Variants in DAB1 observed in about 807,000 individuals in gnomAD.
The protein encoded by DAB1 is disabled homolog 1.
A neutral mutation model predicts 64.6 loss-of-function variants in DAB1; 15 were observed. The observed-to-expected ratio is 0.23, with a 90% CI of 0.16 to 0.36. The LOEUF (loss-of-function observed/expected upper bound fraction) is 0.36. DAB1 is among the 10% of genes least tolerant of loss of function. The pLI, the probability that DAB1 is intolerant of heterozygous loss-of-function variation, is 1.00. For synonymous variants in DAB1, 235 were observed against 251.9 expected (o/e 0.93, Z 0.64); for missense variants, 596 against 706.7 (o/e 0.84, Z 1.78).
intron 4 of DAB1, among the ~76,000 whole-genome samples, chr1:58,191,809 G>T (rs1385749795): frequency 2.0e-5 from 3 of 152,164 alleles, no homozygotes; most frequent in Non-Finnish European, 4.4e-5. Context: ...CAGGTGCCTA[G>T]CACAGAGGCT....
chr1:58,150,149 G>A (rs983698720), intron 5 of DAB1, among the ~76,000 whole-genome samples: 3 of 152,134 alleles, frequency 2.0e-5, no homozygotes, highest in Non-Finnish European at 2.9e-5. Flanking sequence ...AAACCTCAGA[G>A]AGGCTAATAA....
chr1:58,533,737 T>C (rs925564186), intron 1 of DAB1, among the ~76,000 whole-genome samples: 2 of 152,154 alleles, frequency 1.3e-5, no homozygotes, highest in African/African-American at 2.4e-5. Flanking sequence ...AAAATAGTAT[T>C]TAAGAAAAAT....
intron 1 of DAB1, among the ~76,000 whole-genome samples, chr1:57,296,840 G>A (rs1673230442): frequency 6.6e-6 from 1 of 152,102 alleles, no homozygotes; most frequent in Non-Finnish European, 1.5e-5. Flanking sequence ...AGTAAAGACT[G>A]GTCAGGCAAG....
chr1:57,515,118 A>AAAAAGAAAAG (rs147543726), intron 7 of DAB1, among the ~76,000 whole-genome samples: 4,469 of 151,748 alleles, frequency 0.029, 212 homozygotes, highest in African/African-American at 0.1. Context: ...GAAAGAAAGA[A>AAAAAGAAAAG]AAAAGAAAAG....
intron 5 of DAB1, among the ~76,000 whole-genome samples, chr1:58,070,622 A>G (rs1167005395): frequency 2.6e-5 from 4 of 152,172 alleles, no homozygotes; most frequent in Admixed American, 6.5e-5. Flanking sequence ...TAAAGACTGG[A>G]GGCAAAGGAG....
intron 5 of DAB1, among the ~76,000 whole-genome samples, chr1:58,035,891 T>C (rs1647037781): frequency 6.6e-6 from 1 of 152,214 alleles, no homozygotes; most frequent in Non-Finnish European, 1.5e-5. Context: ...TATCTCAGCT[T>C]GAAGGGCTGC....
At chr1:58,038,503 C>T (rs370929125) in intron 5 of DAB1, among the ~76,000 whole-genome samples, 4 of 152,310 alleles carry the variant, frequency 2.6e-5, no homozygotes, top group South Asian at 2.1e-4. Flanking sequence ...TGTGAATCAG[C>T]GGTTACCAAC....
intron 1 of DAB1, among the ~76,000 whole-genome samples, chr1:57,382,422 G>A (rs1397715194): frequency 1.3e-5 from 2 of 152,062 alleles, no homozygotes; most frequent in Non-Finnish European, 1.5e-5. Context: ...TGCTGTATTA[G>A]TTTTCTTTTG....
chr1:58,301,234 A>AG (rs371458879), intron 4 of DAB1, among the ~76,000 whole-genome samples: 67 of 51,612 alleles, frequency 1.3e-3, no homozygotes, highest in Non-Finnish European at 2.5e-3. Context: ...GGGGGTGGAG[A>AG]GGGGGGGGTC....
At chr1:57,588,357 T>C (rs1645404463) in intron 7 of DAB1, among the ~76,000 whole-genome samples, 1 of 152,196 alleles carries the variant, frequency 6.6e-6, no homozygotes, top group Non-Finnish European at 1.5e-5. Context: ...CACTGTAAAA[T>C]AATGGTAAAG....
At chr1:57,396,052 G>C (rs1682779817) in intron 1 of DAB1, among the ~76,000 whole-genome samples, 2 of 152,214 alleles carry the variant, frequency 1.3e-5, no homozygotes, top group African/African-American at 4.8e-5. Context: ...ACCACCCAAA[G>C]TATTTTAGTG....
chr1:58,489,582 T>A (rs985744559), intron 3 of DAB1, among the ~76,000 whole-genome samples: 1 of 152,132 alleles, frequency 6.6e-6, no homozygotes, highest in Non-Finnish European at 1.5e-5. Context: ...TCTGACAGCT[T>A]AGAAGAGAGT....
chr1:57,431,144 A>ACAC (rs1442482991), intron 7 of DAB1, among the ~76,000 whole-genome samples: 2 of 86,870 alleles, frequency 2.3e-5, no homozygotes, highest in Non-Finnish European at 4.7e-5. Flanking sequence ...GGCCAAAAAC[A>ACAC]AAAAAAAAAA....
chr1:57,576,832 G>A (rs1645254783), intron 7 of DAB1, among the ~76,000 whole-genome samples: 1 of 152,064 alleles, frequency 6.6e-6, no homozygotes, highest in South Asian at 2.1e-4. Flanking sequence ...AAGACACTAA[G>A]ACTTGGGGCT....
intron 3 of DAB1, among the ~76,000 whole-genome samples, chr1:58,418,420 C>T (rs1199174302): frequency 2.0e-5 from 3 of 152,116 alleles, no homozygotes; most frequent in Non-Finnish European, 2.9e-5. Flanking sequence ...CTCCTCAGTA[C>T]ACAGACCAGT....
chr1:58,074,568 A>ATATATATATATATATATATG (rs1557639015), intron 5 of DAB1: 3 of 31,114 alleles, frequency 9.6e-5, no homozygotes, highest in African/African-American at 2.3e-4. Context: ...ATGTGTGTAT[A>ATATATATATATATATATATG]TATATATATA....
At chr1:57,609,070 A>T (rs1645694285) in intron 7 of DAB1, among the ~76,000 whole-genome samples, 1 of 152,138 alleles carries the variant, frequency 6.6e-6, no homozygotes, top group Admixed American at 6.5e-5. Context: ...ACTCCCTCTG[A>T]CCTTATATCA....
rs1420427359 is a variant in DAB1 at position 57,015,173 on chromosome 1, G to A, written c.1154C>T (p.Thr385Ile). ...CGTGCCTGGGACGGTGGCAAGGGGG[G>A]TGAGGGGACCTTGGAACATGGCAGC... Reference protein sequence around the residue: ...LPAAMFQGPLTPLATVPGTSD... With the variant: ...LPAAMFQGPLIPLATVPGTSD... Residue 385 changes from threonine to isoleucine, a missense_variant, in exon 12 of 15, where the codon ACC becomes ATC. Transcript: ENST00000371236. 6.2e-7 allele frequency: 1 copy of A among 1,614,150 alleles called. No homozygotes were observed. The highest frequency in any genetic ancestry group is 8.5e-7 in the Non-Finnish European group (1 of 1,180,024).
intron 2 of DAB1, among the ~76,000 whole-genome samples, chr1:57,284,696 G>A (rs1196119673): frequency 6.6e-6 from 1 of 152,290 alleles, no homozygotes; most frequent in African/African-American, 2.4e-5. Flanking sequence ...ATTCTCTCAG[G>A]ATCCTGATGA....
Sources: gnomAD v4.1 joint callset for allele counts (sites outside exome capture counted in the v4.1 genomes callset) on GRCh38, gnomAD v4.1.1 for gene constraint, MANE v1.5 for transcripts, NCBI Gene and HGNC (gene_info 2026-07-23, HGNC 2026-07-21) for gene names.